SDK1: variants seen among roughly 807,000 people sequenced by gnomAD.
SDK1 encodes sidekick cell adhesion molecule 1, also known as protein sidekick-1.
In SDK1, 157 loss-of-function variants were observed where a neutral mutation model predicts 245.5. That is an observed-to-expected ratio of 0.64 (90% confidence interval 0.56 to 0.73). The LOEUF is 0.73. SDK1 is among the 30% of genes least tolerant of loss of function. The probability of loss-of-function intolerance (pLI) is 0.00; values close to 1 mark genes in which losing one functional copy is unlikely to be tolerated. For missense variants in SDK1, 3,583 were observed against 3,002.3 expected (o/e 1.19, Z -4.52); for synonymous variants, 1,647 against 1,278.5 (o/e 1.29, Z -6.15).
chr7:3,846,875 T>G (rs766794951), intron 5 of SDK1, among the ~76,000 whole-genome samples: 10 of 152,008 alleles, frequency 6.6e-5, no homozygotes, highest in Non-Finnish European at 1.2e-4. Context: ...GGCTGCTGCT[T>G]GTCAGGTCCG....
At chr7:3,564,876 G>C (rs1562566299) in intron 1 of SDK1, among the ~76,000 whole-genome samples, 1 of 152,060 alleles carries the variant, frequency 6.6e-6, no homozygotes, top group Non-Finnish European at 1.5e-5. Context: ...TACAGTACCT[G>C]TGAATGTAAC....
At chr7:3,914,055 A>G (rs898998512) in intron 5 of SDK1, among the ~76,000 whole-genome samples, 2 of 152,230 alleles carry the variant, frequency 1.3e-5, no homozygotes, top group African/African-American at 4.8e-5. Flanking sequence ...ATGTTGAAAA[A>G]GGTAAGGAGC....
In SDK1 at chr7:3,302,048, G is replaced by A. The variant is rs186511593; in HGVS notation, c.298+164G>A. 5.9e-4 allele frequency among the ~76,000 whole-genome samples: 89 copies of A among 152,104 alleles called. 1 individual carries two copies. Among genetic ancestry groups the A allele is most frequent in the African/African-American group, 2.1e-3 (88 of 41,546 alleles). ...CCAGGGGCTCCTCCACGCCAGACTC[G>A]GAGGAGAGGGAAACGGAGCCCCGTA... On this transcript the variant is annotated intron_variant, in intron 1 of 44. Coordinates refer to ENST00000404826, the MANE Select transcript of SDK1 (RefSeq NM_152744.4).
At chr7:3,546,941 A>G (rs1253728217) in intron 1 of SDK1, among the ~76,000 whole-genome samples, 2 of 152,210 alleles carry the variant, frequency 1.3e-5, no homozygotes, top group South Asian at 2.1e-4. Flanking sequence ...AGAAAGATCT[A>G]TGAAGTCATC....
In SDK1 at chr7:3,880,656, A is replaced by G. The variant is rs571336519; in HGVS notation, c.847+59073A>G. Among the ~76,000 whole-genome samples, 4 of 136,900 alleles carry G rather than the reference A, an allele frequency of 2.9e-5. No individual in the cohort carries two copies. In the South Asian group the frequency reaches 9.4e-4, roughly 32 times the overall value. 89.8% of individuals were successfully genotyped at this position (136,900 alleles called of 152,430 possible). A position where few individuals can be genotyped will look rare whatever the true frequency, so the allele number is the denominator to read the frequency against. ...CCAGAGGGCTGAGTGCTGCTGTACC[A>G]CTCCCTCCCGCTCTTACTTGGTTTT... On this transcript the variant is annotated intron_variant, in intron 5 of 44. Transcript: ENST00000404826.
At chr7:3,564,408 G>C (rs544676094) in intron 1 of SDK1, among the ~76,000 whole-genome samples, 72 of 152,154 alleles carry the variant, frequency 4.7e-4, no homozygotes, top group African/African-American at 1.7e-3. Flanking sequence ...ATAATTGCTT[G>C]AACCCAGGAG....
intron 30 of SDK1, among the ~76,000 whole-genome samples, chr7:4,155,518 G>A (rs934983238): frequency 6.6e-6 from 1 of 152,228 alleles, no homozygotes; most frequent in Non-Finnish European, 1.5e-5. Context: ...CCAAATCATA[G>A]CAAAGTGTGA....
intron 1 of SDK1, among the ~76,000 whole-genome samples, chr7:3,576,589 T>A (rs901427155): frequency 2.0e-5 from 3 of 152,104 alleles, no homozygotes; most frequent in African/African-American, 7.2e-5. Flanking sequence ...AATCTGCCAG[T>A]ATCTTTAATT....
chr7:3,791,395 C>T (rs1346448558), intron 4 of SDK1, among the ~76,000 whole-genome samples: 1 of 152,168 alleles, frequency 6.6e-6, no homozygotes, highest in Non-Finnish European at 1.5e-5. Context: ...GAAGCCATGT[C>T]ATATGGACCA....
chr7:4,248,722 G>A lies in SDK1; in HGVS notation c.6381+2917G>A, dbSNP rs368542955. 2.4e-4 allele frequency among the ~76,000 whole-genome samples: 37 copies of A among 151,424 alleles called. 1 individual carries two copies. The highest frequency in any genetic ancestry group is 2.3e-3 in the South Asian group (11 of 4,760). On this transcript the variant is annotated intron_variant, in intron 44 of 44. Coordinates refer to ENST00000404826, the MANE Select transcript of SDK1 (RefSeq NM_152744.4). ...TGCACACATGTACACACACGCACAC[G>A]CACATACCCAAATATGTACATGCAA... is the stretch of plus-strand genomic sequence containing the variant.
chr7:3,437,400 T>C (rs1464068605), intron 1 of SDK1, among the ~76,000 whole-genome samples: 2 of 152,154 alleles, frequency 1.3e-5, no homozygotes, highest in Non-Finnish European at 2.9e-5. Context: ...TTTTGCAGTG[T>C]GTAGAGAGCA....
intron 4 of SDK1, among the ~76,000 whole-genome samples, chr7:3,754,406 G>A (rs557036395): frequency 6.6e-6 from 1 of 152,186 alleles, no homozygotes; most frequent in African/African-American, 2.4e-5. Flanking sequence ...GTTACAGGTG[G>A]TGAGAAAGAA....
intron 1 of SDK1, among the ~76,000 whole-genome samples, chr7:3,466,667 A>G (rs1173671003): frequency 6.6e-6 from 1 of 151,656 alleles, no homozygotes; most frequent in Non-Finnish European, 1.5e-5. Flanking sequence ...ATCACTTAAA[A>G]TAATAACTGG....
intron 1 of SDK1, among the ~76,000 whole-genome samples, chr7:3,606,600 C>T (rs1228039125): frequency 2.0e-5 from 3 of 152,090 alleles, no homozygotes; most frequent in African/African-American, 7.2e-5. Context: ...CCCACATCAG[C>T]GACTTTGTAC....
intron 4 of SDK1, among the ~76,000 whole-genome samples, chr7:3,789,438 C>G (rs1027539769): frequency 2.0e-5 from 3 of 152,172 alleles, no homozygotes; most frequent in Non-Finnish European, 4.4e-5. Context: ...GTGAGCCACT[C>G]TGCCCAGCCT....
rs117455207 is a variant in SDK1, at chr7:3,842,145, C to T, written c.847+20562C>T. Reference sequence around the variant, plus strand: ...ATGTAGTTGTTCAATACTGTCCTTCCCAGGGCTGGCCTGAATCACCAGGGG... The same window carrying T: ...ATGTAGTTGTTCAATACTGTCCTTCTCAGGGCTGGCCTGAATCACCAGGGG... On this transcript the variant is annotated intron_variant, in intron 5 of 44. Coordinates refer to ENST00000404826, the MANE Select transcript of SDK1 (RefSeq NM_152744.4). Among the ~76,000 whole-genome samples, 11 of 152,300 alleles carry T rather than the reference C, an allele frequency of 7.2e-5. No individual in the cohort carries two copies. In the South Asian group the frequency reaches 1.9e-3, roughly 26 times the overall value.
intron 5 of SDK1, among the ~76,000 whole-genome samples, chr7:3,900,962 T>G (rs1046244491): frequency 6.6e-6 from 1 of 152,146 alleles, no homozygotes; most frequent in Admixed American, 6.6e-5. Context: ...AAAAAAGACC[T>G]TTATGGCTTT....
At chr7:3,497,207 G>A (rs780347512) in intron 1 of SDK1, among the ~76,000 whole-genome samples, 2 of 152,144 alleles carry the variant, frequency 1.3e-5, no homozygotes, top group Admixed American at 6.6e-5. Flanking sequence ...ACCACTCAGC[G>A]AAGGCAATGG....
chr7:3,523,526 A>T (rs563955986), intron 1 of SDK1, among the ~76,000 whole-genome samples: 3 of 152,058 alleles, frequency 2.0e-5, no homozygotes, highest in Admixed American at 2.0e-4. Flanking sequence ...TAATCTTTCA[A>T]TGTTAGCTAA....
Sources: allele counts gnomAD v4.1 joint callset (sites outside exome capture counted in the v4.1 genomes callset), GRCh38; gene constraint gnomAD v4.1.1; transcripts MANE v1.5; gene names NCBI Gene and HGNC (gene_info 2026-07-23, HGNC 2026-07-21).